NBEA: variants seen among roughly 807,000 people sequenced by gnomAD.
NBEA encodes neurobeachin.
A neutral mutation model predicts 343.4 loss-of-function variants in NBEA; 44 were observed. The ratio of observed to expected loss-of-function variants is 0.13; its 90% CI spans 0.10 to 0.16. The LOEUF (loss-of-function observed/expected upper bound fraction) is 0.16, where lower values mean the gene tolerates loss of function less well. Ranked by LOEUF, NBEA falls within the 10% of genes least tolerant of loss-of-function variation. The pLI is 1.00. For missense variants in NBEA, 2,555 were observed against 3,631.3 expected (o/e 0.70, Z 7.62); for synonymous variants, 1,175 against 1,238.7 (o/e 0.95, Z 1.08).
chr13:35,473,078 T>C (rs2075724096), intron 41 of NBEA, among the ~76,000 whole-genome samples: 2 of 152,244 alleles, frequency 1.3e-5, no homozygotes, highest in Non-Finnish European at 1.5e-5. Flanking sequence ...ATTTTAAATA[T>C]ATATGCTAGC....
rs374731779 is a variant in NBEA at position 35,171,470 on chromosome 13, A to G, written c.4423+18A>G. On this transcript the variant is annotated intron_variant, in intron 26 of 58. Coordinates refer to ENST00000379939, the MANE Select transcript of NBEA (RefSeq NM_001385012.1). ...AAGATTAGGTAAGTCTGTTAAAACA[A>G]TAGTGCATGTCAAATAATTATCTAC... 2.6e-5 allele frequency: 42 copies of G among 1,591,482 alleles called. No individual in the cohort carries two copies. The African/African-American group carries it at 3.6e-4, about 14-fold the overall frequency.
At chr13:35,222,839 A>G (rs1254287684) in intron 33 of NBEA, among the ~76,000 whole-genome samples, 1 of 152,172 alleles carries the variant, frequency 6.6e-6, no homozygotes, top group East Asian at 1.9e-4. Context: ...CTTAACGAAG[A>G]AACAGTAGGC....
At chr13:35,124,699 C>T (rs747917901) in intron 17 of NBEA, among the ~76,000 whole-genome samples, 4 of 150,610 alleles carry the variant, frequency 2.7e-5, no homozygotes, top group Non-Finnish European at 5.9e-5. Flanking sequence ...GATATATATA[C>T]ACACATATAT....
At chr13:35,200,241 A>G (rs1167942297) in intron 31 of NBEA, among the ~76,000 whole-genome samples, 1 of 151,954 alleles carries the variant, frequency 6.6e-6, no homozygotes, top group Non-Finnish European at 1.5e-5. Context: ...TAATTGAGCT[A>G]TTATTTTTCA....
At chr13:35,529,092 C>T (rs1031911650) in intron 41 of NBEA, among the ~76,000 whole-genome samples, 5 of 146,926 alleles carry the variant, frequency 3.4e-5, no homozygotes, top group Non-Finnish European at 7.4e-5. Context: ...GTGCTAGGTA[C>T]CCTACACCCA....
At chr13:35,120,597 A>G (rs2066741824) in intron 16 of NBEA, among the ~76,000 whole-genome samples, 1 of 152,210 alleles carries the variant, frequency 6.6e-6, no homozygotes, top group African/African-American at 2.4e-5. Flanking sequence ...TGTAATTCAT[A>G]CAGTTGAATT....
rs569335007 is a variant in NBEA, at chr13:35,137,463, A to AT, written c.2337-4806_2337-4805insT. Among the ~76,000 whole-genome samples, 435 of 152,076 alleles carry AT rather than the reference A, an allele frequency of 2.9e-3. 2 individuals carry two copies. Among genetic ancestry groups the AT allele is most frequent in the African/African-American group, 9.9e-3 (411 of 41,502 alleles). ...ACACACAGTCTCCAAAAAAAAAAAA[A>AT]GCCCTTCATGTGGTAAAGAAAGTCA... On this transcript the variant is annotated intron_variant, in intron 17 of 58. Transcript: ENST00000379939.
At chr13:35,618,284 G>T (rs1036696039) in intron 48 of NBEA, among the ~76,000 whole-genome samples, 1 of 152,116 alleles carries the variant, frequency 6.6e-6, no homozygotes, top group African/African-American at 2.4e-5. Context: ...TCAAGGCAAA[G>T]ATGACAAAAT....
intron 48 of NBEA, among the ~76,000 whole-genome samples, chr13:35,611,230 G>A (rs1240066843): frequency 2.0e-5 from 3 of 152,060 alleles, no homozygotes; most frequent in South Asian, 2.1e-4. Flanking sequence ...GTACATCAAT[G>A]TTTATAATGG....
intron 6 of NBEA, among the ~76,000 whole-genome samples, chr13:35,051,171 G>A (rs1406964765): frequency 1.3e-5 from 2 of 151,936 alleles, no homozygotes; most frequent in Admixed American, 6.6e-5. Flanking sequence ...AGGGGTACCC[G>A]TCACACATGT....
chr13:35,527,451 C>A (rs2078033274), intron 41 of NBEA, among the ~76,000 whole-genome samples: 1 of 152,160 alleles, frequency 6.6e-6, no homozygotes, highest in Non-Finnish European at 1.5e-5. Context: ...AGCACCCAAG[C>A]TGTTTATGCT....
intron 1 of NBEA, among the ~76,000 whole-genome samples, chr13:34,948,537 A>G (rs1474507366): frequency 6.6e-6 from 1 of 152,096 alleles, no homozygotes; most frequent in East Asian, 1.9e-4. Flanking sequence ...AAAATTTACT[A>G]TTGTTATTTA....
intron 45 of NBEA, among the ~76,000 whole-genome samples, chr13:35,572,978 T>A (rs2080514124): frequency 6.6e-6 from 1 of 152,206 alleles, no homozygotes; most frequent in Non-Finnish European, 1.5e-5. Flanking sequence ...GGTGTGTTAG[T>A]GGTAGGATGA....
rs2066556694 is a variant in NBEA at position 35,117,457 on chromosome 13, A to G, written c.2046A>G (p.Ala682=). The G allele has an allele frequency of 1.4e-6, 2 of 1,383,216 alleles. No homozygotes were observed. The highest frequency in any genetic ancestry group is 2.9e-5 in the African/African-American group (2 of 67,968). 85.7% of individuals were successfully genotyped at this position (1,383,216 alleles called of 1,614,324 possible). Residue 682 remains alanine (A), a synonymous_variant, in exon 14 of 59, where the codon GCA becomes GCG. Transcript: ENST00000379939. The part of the protein sequence containing the change: ...PSQKEIISLR[A]FMLLFLKQLI... ...AAAAAGAAATTATATCACTGAGGGC[A>G]TTTATGCTACTTTTTCTGAAACAGC... is the stretch of plus-strand genomic sequence containing the variant.
intron 33 of NBEA, among the ~76,000 whole-genome samples, chr13:35,225,106 G>C (rs1024158936): frequency 1.3e-5 from 2 of 152,078 alleles, no homozygotes; most frequent in African/African-American, 4.8e-5. Flanking sequence ...ACACTATGTA[G>C]TCCCTTCTGC....
intron 28 of NBEA, among the ~76,000 whole-genome samples, chr13:35,179,102 C>T (rs1186488655): frequency 6.6e-6 from 1 of 151,336 alleles, no homozygotes; most frequent in African/African-American, 2.4e-5. Context: ...TGTTGGATAA[C>T]CCAGCAGTGG....
At chr13:35,272,665 A>G (rs1037164191) in intron 34 of NBEA, among the ~76,000 whole-genome samples, 1 of 152,224 alleles carries the variant, frequency 6.6e-6, no homozygotes, top group African/African-American at 2.4e-5. Flanking sequence ...AAGAAGATCT[A>G]CCAAGCAAAT....
rs2074910435 is a variant in NBEA at position 35,230,540 on chromosome 13, T to C, written c.5649-1952T>C. ...AACTATTATATCTAGATTTTTCTCC[T>C]TTTAATAAACTCACTCTTACCATTC... On this transcript the variant is annotated intron_variant, in intron 33 of 58. Transcript: ENST00000379939. Among the ~76,000 whole-genome samples the C allele has an allele frequency of 3.3e-5, 5 of 152,244 alleles. No homozygotes were observed. In the South Asian group the frequency reaches 1.0e-3, roughly 32 times the overall value.
At chr13:35,334,010 G>A (rs1594253978) in intron 36 of NBEA, among the ~76,000 whole-genome samples, 1 of 152,150 alleles carries the variant, frequency 6.6e-6, no homozygotes, top group East Asian at 1.9e-4. Context: ...AGACGTAAGA[G>A]TGTAGATAAC....
Sources: allele counts gnomAD v4.1 joint callset (sites outside exome capture counted in the v4.1 genomes callset), GRCh38; gene constraint gnomAD v4.1.1; transcripts MANE v1.5; gene names NCBI Gene and HGNC (gene_info 2026-07-23, HGNC 2026-07-21).